Variants in SPATS2 observed in about 807,000 individuals in gnomAD.
SPATS2 encodes the protein spermatogenesis-associated serine-rich protein 2.
Under a neutral mutation model 63.7 loss-of-function variants are expected in SPATS2, and 38 were observed. The observed-to-expected ratio is 0.60, with a 90% CI of 0.46 to 0.78. The LOEUF (loss-of-function observed/expected upper bound fraction) is 0.78, where lower values mean the gene tolerates loss of function less well. Among genes scored for constraint, SPATS2 ranks in the 30% least tolerant of loss-of-function variants. The pLI, the probability that SPATS2 is intolerant of heterozygous loss-of-function variation, is 0.00. For synonymous variants in SPATS2, 207 were observed against 232.9 expected, an observed-to-expected ratio of 0.89 and a Z score of 1.01; for missense variants, 588 against 666.2, an observed-to-expected ratio of 0.88 and a Z score of 1.29.
chr12:49,468,026 C>T (rs1945956231), intron 3 of SPATS2, among the ~76,000 whole-genome samples: 1 of 152,086 alleles, frequency 6.6e-6, no homozygotes. Flanking sequence ...AGCCACCACA[C>T]CTGACCTTCT....
chr12:49,390,247 C>G (rs1592351568), intron 2 of SPATS2: 1 of 818,358 alleles, frequency 1.2e-6, no homozygotes, highest in Non-Finnish European at 1.9e-6. Context: ...AAATTCAATC[C>G]ATTATTTTTT....
chr12:49,451,478 T>C (rs944776206), intron 2 of SPATS2, among the ~76,000 whole-genome samples: 1 of 152,214 alleles, frequency 6.6e-6, no homozygotes. Flanking sequence ...AGTATTGTTA[T>C]TAATCTTGTA....
chr12:49,407,809 CTT>C (rs1944722712), intron 2 of SPATS2, among the ~76,000 whole-genome samples: 1 of 152,202 alleles, frequency 6.6e-6, no homozygotes, highest in Admixed American at 6.5e-5. Flanking sequence ...CCTACTGCCT[CTT>C]TTTGTAAATA....
intron 3 of SPATS2, chr12:49,462,763 C>T (rs868787150): frequency 7.6e-6 from 3 of 396,986 alleles, no homozygotes; most frequent in South Asian, 5.2e-5. Context: ...AGTTTTTTCT[C>T]CAAAGTTACA....
intron 8 of SPATS2, among the ~76,000 whole-genome samples, chr12:49,497,517 A>C (rs916735761): frequency 6.6e-6 from 1 of 150,764 alleles, no homozygotes; most frequent in South Asian, 2.1e-4. Flanking sequence ...GCCTCAGCCT[A>C]CCAAGTAGCT....
At chr12:49,435,394 G>A (rs1323773769) in intron 2 of SPATS2, among the ~76,000 whole-genome samples, 1 of 150,146 alleles carries the variant, frequency 6.7e-6, no homozygotes, top group Admixed American at 6.7e-5. Context: ...GTATGATCTT[G>A]GCTTACTGCA....
At chr12:49,524,140 AAG>A (rs1946991647) in intron 12 of SPATS2, among the ~76,000 whole-genome samples, 1 of 152,218 alleles carries the variant, frequency 6.6e-6, no homozygotes. Context: ...ATTTTGCAGA[AAG>A]AAATTTGGCA....
intron 3 of SPATS2, among the ~76,000 whole-genome samples, chr12:49,476,211 G>A (rs1274041024): frequency 1.3e-5 from 2 of 152,114 alleles, no homozygotes; most frequent in African/African-American, 2.4e-5. Flanking sequence ...ACACACAGGC[G>A]GCTGGAGGTA....
intron 2 of SPATS2, among the ~76,000 whole-genome samples, chr12:49,394,243 T>TGG (rs1944468892): frequency 2.7e-5 from 4 of 148,092 alleles, no homozygotes. Flanking sequence ...GAGGCTGAGG[T>TGG]GGGAGGGATC....
chr12:49,498,940 C>T (rs1412366656), intron 8 of SPATS2, among the ~76,000 whole-genome samples: 2 of 152,124 alleles, frequency 1.3e-5, no homozygotes, highest in Non-Finnish European at 2.9e-5. Flanking sequence ...GTGCGTGCCA[C>T]CACACCCAGC....
In SPATS2 at chr12:49,526,272, CCT is replaced by C. The variant is rs1429624824; in HGVS notation, c.*23_*24del. On this transcript the variant is annotated 3_prime_UTR_variant, in exon 14 of 14. Transcript: ENST00000552918. ...AACTCTTGAGAGAAAATCCAGTTGG[CCT>C]CTCTCCTCTATCCACACAATTCAAC... The C allele has an allele frequency of 6.3e-7, 1 of 1,585,794 alleles. No homozygotes were observed. Among genetic ancestry groups the C allele is most frequent in the African/African-American group, 1.4e-5 (1 of 73,842 alleles).
intron 2 of SPATS2, among the ~76,000 whole-genome samples, chr12:49,375,541 A>G (rs1944085405): frequency 6.6e-6 from 1 of 152,182 alleles, no homozygotes; most frequent in East Asian, 1.9e-4. Context: ...GTTAAAAATG[A>G]TTCAAAATGT....
intron 11 of SPATS2, among the ~76,000 whole-genome samples, chr12:49,521,038 A>G (rs2138083908): frequency 6.6e-6 from 1 of 152,284 alleles, no homozygotes; most frequent in Non-Finnish European, 1.5e-5. Context: ...TATAAAGAAC[A>G]GTGTTTCTGA....
intron 2 of SPATS2, among the ~76,000 whole-genome samples, chr12:49,386,651 A>G (rs1369372630): frequency 6.6e-6 from 1 of 152,146 alleles, no homozygotes; most frequent in Admixed American, 6.6e-5. Flanking sequence ...GGTATAATAT[A>G]CTGTGGAATT....
chr12:49,391,873 T>G (rs1944424675), intron 2 of SPATS2, among the ~76,000 whole-genome samples: 1 of 152,242 alleles, frequency 6.6e-6, no homozygotes, highest in Non-Finnish European at 1.5e-5. Context: ...TGAGACTGAT[T>G]GAATAGAAAA....
At chr12:49,436,090 C>T (rs1224558550) in intron 2 of SPATS2, among the ~76,000 whole-genome samples, 2 of 152,028 alleles carry the variant, frequency 1.3e-5, no homozygotes, top group African/African-American at 2.4e-5. Context: ...CTTTTCCCCA[C>T]CTTTACCCCC....
At position 49,526,393 on chromosome 12, in the gene SPATS2, TTTC is replaced by T; in HGVS notation, c.*141_*143del. 9.2e-7 allele frequency: 1 copy of T among 1,087,748 alleles called. No individual in the cohort carries two copies. The highest frequency in any genetic ancestry group is 2.5e-4 in the Middle Eastern group (1 of 4,060). The allele number at this position is 1,087,748 out of a possible 1,614,324, so 67.4% of individuals were successfully genotyped here. On this transcript the variant is annotated 3_prime_UTR_variant, in exon 14 of 14. Coordinates refer to ENST00000552918, the MANE Select transcript of SPATS2 (RefSeq NM_023071.4). Reference sequence around the variant, plus strand: ...TTTGTGCCATTCTAAGTATTTTTGGTTTCTTGTCTCCTTATTTCCTCTTTACCA... The same window carrying T: ...TTTGTGCCATTCTAAGTATTTTTGGTTTGTCTCCTTATTTCCTCTTTACCA...
chr12:49,520,037 T>C (rs1946914757), intron 11 of SPATS2, among the ~76,000 whole-genome samples: 1 of 151,344 alleles, frequency 6.6e-6, no homozygotes, highest in Admixed American at 6.6e-5. Flanking sequence ...TGGAGTGCAA[T>C]AGCGCAATCT....
intron 2 of SPATS2, among the ~76,000 whole-genome samples, chr12:49,436,987 G>A (rs1408443290): frequency 6.6e-6 from 1 of 151,960 alleles, no homozygotes; most frequent in African/African-American, 2.4e-5. Flanking sequence ...TTCCGGACTG[G>A]GGCGGCTGGC....
Sources: allele counts gnomAD v4.1 joint callset (sites outside exome capture counted in the v4.1 genomes callset), GRCh38; gene constraint gnomAD v4.1.1; transcripts MANE v1.5; gene names NCBI Gene and HGNC (gene_info 2026-07-23, HGNC 2026-07-21).